MSN: variants seen among roughly 807,000 people sequenced by gnomAD.
The protein encoded by MSN is epididymis luminal protein 70.
A neutral mutation model predicts 48.0 loss-of-function variants in MSN; 2 were observed. The ratio of observed to expected loss-of-function variants is 0.04; its 90% CI spans 0.02 to 0.13. MSN has a LOEUF of 0.13. MSN is among the 10% of genes least tolerant of loss of function. The pLI is 1.00. For missense variants in MSN, 267 were observed against 470.1 expected (o/e 0.57, Z 3.99); for synonymous variants, 146 against 166.9 (o/e 0.87, Z 0.97).
At chrX:65,716,547 A>G in intron 1 of MSN, 1 of 391,086 alleles carries the variant, frequency 2.6e-6, no homozygotes, top group Non-Finnish European at 4.8e-6. Flanking sequence ...AAGTGCTGGG[A>G]TTACAGGCAT....
intron 1 of MSN, among the ~76,000 whole-genome samples, chrX:65,688,666 C>T (rs954352012): frequency 8.9e-6 from 1 of 112,010 alleles, no homozygotes; most frequent in Admixed American, 9.5e-5. Flanking sequence ...TGCCCAACCT[C>T]TTTTCAGTCT....
In MSN at chrX:65,696,480, G is replaced by C. The variant is rs145342072; in HGVS notation, c.13-20338G>C. Among the ~76,000 whole-genome samples, 59 of 111,562 alleles carry C rather than the reference G, an allele frequency of 5.3e-4. 1 individual carries two copies. In the East Asian group the frequency reaches 0.014, roughly 26 times the overall value. On this transcript the variant is annotated intron_variant, in intron 1 of 12. Coordinates refer to ENST00000360270, the MANE Select transcript of MSN (RefSeq NM_002444.3). Reference sequence around the variant, plus strand: ...AATGTATGTTGCCTTGACCATTAGGGAGGCTTCTGGGTAATTTCCATAGAG... The same window carrying C: ...AATGTATGTTGCCTTGACCATTAGGCAGGCTTCTGGGTAATTTCCATAGAG...
At chrX:65,619,339 G>T (rs1224832817) in intron 1 of MSN, among the ~76,000 whole-genome samples, 1 of 98,385 alleles carries the variant, frequency 1.0e-5, no homozygotes, top group Non-Finnish European at 1.9e-5. Context: ...TCACTTTCAG[G>T]TACACCAATC....
chrX:65,736,961 C>A, intron 9 of MSN, 36 bp downstream of exon 9: 1 of 1,206,079 alleles, frequency 8.3e-7, no homozygotes, highest in Non-Finnish European at 1.1e-6. Context: ...TTGGATTTTT[C>A]CAGGCCTAAC....
intron 1 of MSN, among the ~76,000 whole-genome samples, chrX:65,629,327 T>C (rs2070535744): frequency 9.0e-6 from 1 of 111,669 alleles, no homozygotes; most frequent in African/African-American, 3.3e-5. Flanking sequence ...CATATCACTA[T>C]CAGCATTTTT....
Position 65,729,578 on chromosome X carries a change from C to G in MSN, c.333C>G (p.Leu111=), listed in dbSNP as rs1569467754. The part of the protein sequence containing the change: ...LFFLQVKEGI[L]NDDIYCPPET... ...TTCTGCAAGTGAAAGAGGGCATTCT[C>G]AATGATGATATTTACTGCCCGCCTG... is the stretch of plus-strand genomic sequence containing the variant. Residue 111 remains leucine (L), a synonymous_variant, in exon 4 of 13, where the codon CTC becomes CTG. Coordinates refer to ENST00000360270, the MANE Select transcript of MSN (RefSeq NM_002444.3). The G allele has an allele frequency of 8.3e-7, 1 of 1,211,864 alleles. No individual in the cohort carries two copies. The highest frequency in any genetic ancestry group is 2.2e-5 in the Admixed American group (1 of 46,058).
At chrX:65,614,672 T>C (rs995246258) in intron 1 of MSN, among the ~76,000 whole-genome samples, 7 of 105,897 alleles carry the variant, frequency 6.6e-5, no homozygotes, top group African/African-American at 2.1e-4. Flanking sequence ...TCTCTGTTTT[T>C]TTTTTTCTTT....
At chrX:65,668,161 A>G (rs2070893287) in intron 1 of MSN, among the ~76,000 whole-genome samples, 4 of 112,625 alleles carry the variant, frequency 3.6e-5, no homozygotes, top group African/African-American at 1.3e-4. Context: ...CTTTTCCCTG[A>G]TGGGCCATGG....
rs777163048 is a variant in MSN, at chrX:65,654,170, A to T, written c.-21-62648A>T. 2.1e-4 allele frequency among the ~76,000 whole-genome samples: 20 copies of T among 93,144 alleles called. No individual in the cohort carries two copies. In the East Asian group the frequency reaches 6.4e-3, roughly 30 times the overall value. The allele number at this position is 93,144 out of a possible 115,157, so 80.9% of individuals were successfully genotyped here. On this transcript the variant is annotated intron_variant, in intron 1 of 3. Transcript: ENST00000609672. ...GCCCAGGCTGGAGTGCAGTGGCGCG[A>T]TCTCCACTCACTGCAAGCTCCGCCT...
intron 1 of MSN, among the ~76,000 whole-genome samples, chrX:65,643,447 T>C (rs1361420800): frequency 1.8e-5 from 2 of 110,553 alleles, no homozygotes; most frequent in Non-Finnish European, 3.8e-5. Context: ...AGGGCCCAAG[T>C]ACTCTGTGGT....
chrX:65,715,398 T>A (rs1168101392), intron 1 of MSN, among the ~76,000 whole-genome samples: 1 of 112,102 alleles, frequency 8.9e-6, no homozygotes, highest in African/African-American at 3.2e-5. Flanking sequence ...TTGAGTCTAT[T>A]CTATGAATTG....
intron 1 of MSN, among the ~76,000 whole-genome samples, chrX:65,616,248 C>T (rs1201325014): frequency 9.5e-6 from 1 of 104,949 alleles, no homozygotes; most frequent in East Asian, 3.0e-4. Context: ...TGAAGAAAGT[C>T]ATTGGTAGCT....
intron 1 of MSN, among the ~76,000 whole-genome samples, chrX:65,705,343 C>T (rs368079690): frequency 9.0e-6 from 1 of 111,602 alleles, no homozygotes; most frequent in Admixed American, 9.5e-5. Context: ...AGAGGAATGG[C>T]CATGCTAAGG....
At chrX:65,588,684 T>G (rs2070117798) in intron 1 of MSN, 38 of 761,566 alleles carry the variant, frequency 5.0e-5, no homozygotes, top group Non-Finnish European at 6.0e-5. Flanking sequence ...TGCCCTCTTT[T>G]TTTGCCCTCA....
At chrX:65,656,675 A>G (rs970725741) in intron 1 of MSN, among the ~76,000 whole-genome samples, 16 of 111,839 alleles carry the variant, frequency 1.4e-4, no homozygotes, top group Non-Finnish European at 2.1e-4. Context: ...AGGGAGGCCA[A>G]ATGAGCACTG....
chrX:65,604,268 G>A (rs2070260307), intron 1 of MSN, among the ~76,000 whole-genome samples: 1 of 112,125 alleles, frequency 8.9e-6, no homozygotes, highest in African/African-American at 3.2e-5. Context: ...GACAGCTTTG[G>A]TTTGGTTCAT....
At chrX:65,738,459 G>T in intron 10 of MSN, 66 bp from the exon 11 acceptor site, 2 of 1,036,021 alleles carry the variant, frequency 1.9e-6, no homozygotes, top group South Asian at 2.1e-5. Context: ...GGGGACTTGG[G>T]TTGAAGACAC....
Position 65,667,776 on chromosome X carries a change from T to C in MSN, c.-66T>C. ...CCAGCCGAATCCAAGCCGTGTGTAC[T>C]GCGTGCTCAGCACTGCCCGACAGTC... On this transcript the variant is annotated 5_prime_UTR_variant, in exon 1 of 13. Transcript: ENST00000360270. The C allele has an allele frequency of 9.1e-6, 11 of 1,205,747 alleles. No individual in the cohort carries two copies. The highest frequency in any genetic ancestry group is 1.2e-5 in the Non-Finnish European group (11 of 892,665).
chrX:65,725,205 ACTAC>A (rs2071556504), intron 2 of MSN, among the ~76,000 whole-genome samples: 2 of 111,588 alleles, frequency 1.8e-5, no homozygotes, highest in African/African-American at 3.3e-5. Flanking sequence ...CTCATTACAT[ACTAC>A]CTCTTAATGA....
Sources: allele counts gnomAD v4.1 joint callset (sites outside exome capture counted in the v4.1 genomes callset), GRCh38; gene constraint gnomAD v4.1.1; transcripts MANE v1.5; gene names NCBI Gene and HGNC (gene_info 2026-07-23, HGNC 2026-07-21).